Variants in HCN1 observed in about 807,000 individuals in gnomAD.
HCN1 encodes hyperpolarization activated cyclic nucleotide gated potassium channel 1, also known as potassium/sodium hyperpolarization-activated cyclic nucleotide-gated channel 1.
Under a neutral mutation model 78.9 loss-of-function variants are expected in HCN1, and 13 were observed. The ratio of observed to expected loss-of-function variants is 0.16; its 90% CI spans 0.11 to 0.26. The LOEUF is 0.26. HCN1 is among the 10% of genes least tolerant of loss of function. The pLI, the probability that HCN1 is intolerant of heterozygous loss-of-function variation, is 1.00. For synonymous variants in HCN1, 552 were observed against 455.5 expected, an observed-to-expected ratio of 1.21 and a Z score of -2.70; for missense variants, 810 against 1,154.3, an observed-to-expected ratio of 0.70 and a Z score of 4.32.
intron 2 of HCN1, among the ~76,000 whole-genome samples, chr5:45,592,075 C>T (rs1015606656): frequency 6.6e-6 from 1 of 151,902 alleles, no homozygotes; most frequent in African/African-American, 2.4e-5. Context: ...ATTGTGTTAC[C>T]TATACTCCAT....
chr5:45,329,191 C>T (rs927539169), intron 5 of HCN1, among the ~76,000 whole-genome samples: 3 of 151,320 alleles, frequency 2.0e-5, no homozygotes, highest in East Asian at 3.9e-4. Context: ...ATGTAATATC[C>T]TCACTATCTA....
chr5:45,283,727 G>T (rs1182295497), intron 6 of HCN1, among the ~76,000 whole-genome samples: 1 of 151,974 alleles, frequency 6.6e-6, no homozygotes, highest in Non-Finnish European at 1.5e-5. Context: ...GTGGAAAGCA[G>T]TACAGTGATT....
intron 2 of HCN1, among the ~76,000 whole-genome samples, chr5:45,484,986 G>A (rs1441832176): frequency 6.6e-6 from 1 of 152,134 alleles, no homozygotes; most frequent in African/African-American, 2.4e-5. Flanking sequence ...TTTGGCAACT[G>A]TAAGCCTGGC....
At chr5:45,431,240 C>A (rs1181812552) in intron 3 of HCN1, among the ~76,000 whole-genome samples, 6 of 152,092 alleles carry the variant, frequency 3.9e-5, no homozygotes, top group Admixed American at 3.9e-4. Flanking sequence ...GCATGTATGT[C>A]TTCTTTTGAA....
chr5:45,390,894 C>A (rs1267494812), intron 4 of HCN1, among the ~76,000 whole-genome samples: 1 of 152,124 alleles, frequency 6.6e-6, no homozygotes, highest in Non-Finnish European at 1.5e-5. Flanking sequence ...GATTTGCTAG[C>A]AACTCCAATG....
At chr5:45,429,382 C>A (rs1740417301) in intron 3 of HCN1, among the ~76,000 whole-genome samples, 1 of 152,106 alleles carries the variant, frequency 6.6e-6, no homozygotes, top group Non-Finnish European at 1.5e-5. Flanking sequence ...CTAGATAATC[C>A]ACTTCCAATA....
chr5:45,260,675 A>T lies in HCN1; in HGVS notation c.*1246T>A, dbSNP rs1744720228. 1 of 152,746 alleles carries T rather than the reference A, an allele frequency of 6.5e-6. No individual in the cohort carries two copies. Among genetic ancestry groups the T allele is most frequent in the East Asian group, 1.9e-4 (1 of 5,178 alleles). The allele number at this position is 152,746 out of a possible 1,614,324, so 9.5% of individuals were successfully genotyped here. On this transcript the variant is annotated 3_prime_UTR_variant, in exon 8 of 8. Coordinates refer to ENST00000303230, the MANE Select transcript of HCN1 (RefSeq NM_021072.4). ...ACCAGCTACAGTGAAGACACAGACA[A>T]CACTTAACTCCAAATCAAGCTGTGG... is the stretch of plus-strand genomic sequence containing the variant.
intron 5 of HCN1, among the ~76,000 whole-genome samples, chr5:45,327,313 C>T (rs1232289681): frequency 2.0e-5 from 3 of 151,516 alleles, no homozygotes; most frequent in Non-Finnish European, 4.4e-5. Flanking sequence ...AGAATATCAC[C>T]GATAGTAGAG....
intron 5 of HCN1, among the ~76,000 whole-genome samples, chr5:45,316,903 C>G (rs918957817): frequency 7.9e-5 from 12 of 151,978 alleles, no homozygotes; most frequent in Non-Finnish European, 1.3e-4. Context: ...CACTGCTCAA[C>G]GAAATAAAAG....
intron 2 of HCN1, among the ~76,000 whole-genome samples, chr5:45,494,451 G>GT (rs887963777): frequency 1.3e-5 from 2 of 151,534 alleles, no homozygotes; most frequent in Non-Finnish European, 3.0e-5. Flanking sequence ...GGGGTTGTTT[G>GT]TTTTTTTCTT....
rs372770539 is a variant in HCN1 at position 45,527,239 on chromosome 5, A to AT, written c.850-65233dup. 1.7e-4 allele frequency among the ~76,000 whole-genome samples: 24 copies of AT among 137,390 alleles called. 5 individuals carry two copies. Among genetic ancestry groups the AT allele is most frequent in the African/African-American group, 6.0e-4 (22 of 36,748 alleles). 90.1% of individuals were successfully genotyped at this position (137,390 alleles called of 152,430 possible). A position where few individuals can be genotyped will look rare whatever the true frequency, so the allele number is the denominator to read the frequency against. On this transcript the variant is annotated intron_variant, in intron 2 of 7. Coordinates refer to ENST00000303230, the MANE Select transcript of HCN1 (RefSeq NM_021072.4). ...AAGGCAGAAAGAACATGTTATATTAATTTTTTTATATCTTCATTTGCATGG... is the reference window on the plus strand; with the variant it reads ...AAGGCAGAAAGAACATGTTATATTAATTTTTTTTATATCTTCATTTGCATGG...
intron 4 of HCN1, among the ~76,000 whole-genome samples, chr5:45,381,315 C>T (rs538508524): frequency 2.6e-5 from 4 of 152,150 alleles, no homozygotes; most frequent in South Asian, 4.1e-4. Flanking sequence ...CTTCCCAAAA[C>T]GTAGATTCTA....
At chr5:45,294,754 A>G (rs182879712) in intron 6 of HCN1, among the ~76,000 whole-genome samples, 4 of 152,124 alleles carry the variant, frequency 2.6e-5, no homozygotes, top group Admixed American at 2.0e-4. Context: ...TAGATTACAA[A>G]ACAGTTTAGT....
At chr5:45,457,610 T>C (rs988983289) in intron 3 of HCN1, among the ~76,000 whole-genome samples, 3 of 152,180 alleles carry the variant, frequency 2.0e-5, no homozygotes, top group Admixed American at 1.3e-4. Flanking sequence ...TTTCCGTTGT[T>C]ACAACAAAAT....
chr5:45,344,600 A>C (rs1746657882), intron 5 of HCN1, among the ~76,000 whole-genome samples: 1 of 152,204 alleles, frequency 6.6e-6, no homozygotes, highest in African/African-American at 2.4e-5. Flanking sequence ...GGCCAAAATG[A>C]AGAGGTAAAG....
At chr5:45,298,531 C>G (rs188676957) in intron 6 of HCN1, among the ~76,000 whole-genome samples, 221 of 151,682 alleles carry the variant, frequency 1.5e-3, no homozygotes, top group African/African-American at 4.0e-3. Context: ...GGAAGAGATC[C>G]CAATAGCCAA....
At chr5:45,486,363 A>C (rs1741762835) in intron 2 of HCN1, among the ~76,000 whole-genome samples, 1 of 152,190 alleles carries the variant, frequency 6.6e-6, no homozygotes, top group South Asian at 2.1e-4. Context: ...CCATACTGGA[A>C]GAAATAGAGC....
At chr5:45,609,708 GGCAGCCCTT>G (rs1744796935) in intron 2 of HCN1, among the ~76,000 whole-genome samples, 1 of 152,052 alleles carries the variant, frequency 6.6e-6, no homozygotes, top group Non-Finnish European at 1.5e-5. Context: ...AGGTAAATGA[GGCAGCCCTT>G]GCCCTCCAAG....
intron 4 of HCN1, among the ~76,000 whole-genome samples, chr5:45,372,679 ATATT>A (rs1747435206): frequency 1.4e-5 from 2 of 142,160 alleles, no homozygotes; most frequent in South Asian, 4.3e-4. Flanking sequence ...AAAATATAAA[ATATT>A]TATATATAAA....
Sources: allele counts gnomAD v4.1 joint callset (sites outside exome capture counted in the v4.1 genomes callset), GRCh38; gene constraint gnomAD v4.1.1; transcripts MANE v1.5; gene names NCBI Gene and HGNC (gene_info 2026-07-23, HGNC 2026-07-21).